The following DLC1 variants were observed in gnomAD, a reference collection of about 807,000 sequenced individuals.
DLC1 encodes the protein DLC1 Rho GTPase activating protein, also known as rho GTPase-activating protein 7.
In DLC1, 54 loss-of-function variants were observed where a neutral mutation model predicts 140.3. The observed-to-expected ratio is 0.38, with a 90% CI of 0.31 to 0.48. The LOEUF is 0.48. DLC1 is among the 20% of genes least tolerant of loss of function. DLC1 has a pLI of 0.96. For missense variants in DLC1, 2,536 were observed against 1,907.0 expected (o/e 1.33, Z -6.14); for synonymous variants, 986 against 728.1 (o/e 1.35, Z -5.70).
At chr8:13,270,435 T>C (rs1830883728) in intron 5 of DLC1, among the ~76,000 whole-genome samples, 1 of 152,234 alleles carries the variant, frequency 6.6e-6, no homozygotes, top group Non-Finnish European at 1.5e-5. Flanking sequence ...AGCCACGTGC[T>C]TGAAAGCCCA....
intron 5 of DLC1, among the ~76,000 whole-genome samples, chr8:13,140,472 A>C (rs957215150): frequency 6.6e-6 from 1 of 150,734 alleles, no homozygotes; most frequent in Non-Finnish European, 1.5e-5. Context: ...GGCTCAAGCG[A>C]TTCGCCTGCC....
At chr8:13,410,332 C>G (rs1214115733) in intron 2 of DLC1, among the ~76,000 whole-genome samples, 1 of 152,052 alleles carries the variant, frequency 6.6e-6, no homozygotes, top group Non-Finnish European at 1.5e-5. Flanking sequence ...AGTAAGAATG[C>G]TTGTTATCAC....
At chr8:13,203,079 T>C (rs1251669977) in intron 5 of DLC1, among the ~76,000 whole-genome samples, 1 of 152,214 alleles carries the variant, frequency 6.6e-6, no homozygotes, top group African/African-American at 2.4e-5. Context: ...TTCAGTCCTA[T>C]GCCTCTTCTT....
chr8:13,351,644 A>G (rs1729128), intron 4 of DLC1, among the ~76,000 whole-genome samples: 135,869 of 152,254 alleles, frequency 0.89, 60,746 homozygotes, highest in East Asian at 1. Flanking sequence ...TGTTTATGTG[A>G]CGTCTGCACT....
chr8:13,575,446 A>C (rs1804805943), intron 1 of DLC1, among the ~76,000 whole-genome samples: 1 of 151,958 alleles, frequency 6.6e-6, no homozygotes, highest in African/African-American at 2.4e-5. Flanking sequence ...GGTGGGGCCG[A>C]GGGGAGGATT....
intron 4 of DLC1, chr8:13,341,122 T>G (rs749652585): frequency 6.6e-6 from 1 of 152,190 alleles, no homozygotes; most frequent in Admixed American, 6.5e-5. Context: ...AAGTACTGTT[T>G]TTCACATTGA....
chr8:13,117,162 T>C (rs1413983722), intron 5 of DLC1, among the ~76,000 whole-genome samples: 2 of 152,218 alleles, frequency 1.3e-5, no homozygotes, highest in Non-Finnish European at 1.5e-5. Flanking sequence ...ACAAGCTCAA[T>C]ATTTTATTTT....
chr8:13,559,732 T>A (rs1047686722), intron 1 of DLC1, among the ~76,000 whole-genome samples: 1 of 152,184 alleles, frequency 6.6e-6, no homozygotes, highest in Non-Finnish European at 1.5e-5. Context: ...CAGACCCTTC[T>A]ACCCAAGGAA....
At chr8:13,339,035 T>G (rs1425020461) in intron 4 of DLC1, among the ~76,000 whole-genome samples, 1 of 152,198 alleles carries the variant, frequency 6.6e-6, no homozygotes, top group African/African-American at 2.4e-5. Flanking sequence ...TATCTGGTAA[T>G]AAGGAAAGGT....
At chr8:13,501,255 A>G (rs900160944) in intron 1 of DLC1, among the ~76,000 whole-genome samples, 3 of 152,186 alleles carry the variant, frequency 2.0e-5, no homozygotes, top group Non-Finnish European at 4.4e-5. Flanking sequence ...TGCATAAGAC[A>G]AGCTTAGAAT....
At chr8:13,571,260 T>TA (rs1804643953) in intron 1 of DLC1, among the ~76,000 whole-genome samples, 1 of 152,176 alleles carries the variant, frequency 6.6e-6, no homozygotes, top group African/African-American at 2.4e-5. Context: ...TTATTAATAG[T>TA]ACCATTCAGT....
intron 5 of DLC1, among the ~76,000 whole-genome samples, chr8:13,188,801 G>GTATATATATATACA (rs1826545408): frequency 1.4e-5 from 1 of 71,884 alleles, no homozygotes; most frequent in Non-Finnish European, 2.4e-5. Flanking sequence ...GTGTGTGTGT[G>GTATATATATATACA]TATATATATA....
intron 2 of DLC1, among the ~76,000 whole-genome samples, chr8:13,453,387 G>GATATATATATATATGTGTGTATATAT (rs1554522998): frequency 1.9e-5 from 1 of 52,454 alleles, no homozygotes; most frequent in Non-Finnish European, 3.4e-5. Flanking sequence ...GATGGCCCAG[G>GATATATATATATATGTGTGTATATAT]ATATATATAT....
chr8:13,125,139 G>A (rs1447472193), intron 5 of DLC1, among the ~76,000 whole-genome samples: 1 of 151,996 alleles, frequency 6.6e-6, no homozygotes, highest in Non-Finnish European at 1.5e-5. Context: ...ACCACACCCG[G>A]GTAATTTTCG....
intron 4 of DLC1, among the ~76,000 whole-genome samples, chr8:13,311,974 G>T (rs1269748768): frequency 1.3e-5 from 2 of 152,106 alleles, no homozygotes; most frequent in Non-Finnish European, 2.9e-5. Context: ...CCTAAATGTT[G>T]AATTTCAGTT....
At chr8:13,398,634 C>G (rs289573) in intron 3 of DLC1, among the ~76,000 whole-genome samples, 127,267 of 147,784 alleles carry the variant, frequency 0.86, 54,890 homozygotes, top group East Asian at 0.98. Flanking sequence ...AATTAGCCAG[C>G]CATGGCGATG....
intron 4 of DLC1, among the ~76,000 whole-genome samples, chr8:13,364,997 A>G (rs1419642674): frequency 2.0e-5 from 3 of 152,188 alleles, no homozygotes; most frequent in Admixed American, 2.0e-4. Context: ...TTGCATGGTA[A>G]ATCTTTGCCC....
intron 11 of DLC1, 42 bp downstream of exon 11, chr8:13,095,044 C>T (rs767544619): frequency 2.3e-5 from 37 of 1,613,244 alleles, no homozygotes; most frequent in Admixed American, 1.7e-4. Flanking sequence ...GCATGTAATC[C>T]GAGCTCCCCT....
intron 5 of DLC1, among the ~76,000 whole-genome samples, chr8:13,211,533 C>T (rs1345489445): frequency 6.6e-6 from 1 of 152,184 alleles, no homozygotes; most frequent in Non-Finnish European, 1.5e-5. Context: ...CTTGCATCAG[C>T]TGGGTGTGGG....
Sources: gnomAD v4.1 joint callset for allele counts (sites outside exome capture counted in the v4.1 genomes callset) on GRCh38, gnomAD v4.1.1 for gene constraint, MANE v1.5 for transcripts, NCBI Gene and HGNC (gene_info 2026-07-23, HGNC 2026-07-21) for gene names.